Variants in FRY observed in about 807,000 individuals in gnomAD.
FRY encodes the protein FRY microtubule binding protein, also known as protein furry homolog.
In FRY, 128 loss-of-function variants were observed where a neutral mutation model predicts 348.4. That is an observed-to-expected ratio of 0.37 (90% CI 0.32 to 0.43). FRY has a LOEUF of 0.43. Ranked by LOEUF, FRY falls within the 20% of genes least tolerant of loss-of-function variation. FRY has a pLI of 1.00. For synonymous variants in FRY, 1,370 were observed against 1,374.7 expected (o/e 1.00, Z 0.08); for missense variants, 2,736 against 3,695.2 (o/e 0.74, Z 6.73).
chr13:32,053,185 A>G (rs1873436976), intron 1 of FRY, among the ~76,000 whole-genome samples: 2 of 152,200 alleles, frequency 1.3e-5, no homozygotes, highest in Non-Finnish European at 2.9e-5. Flanking sequence ...TGTGGCTAAT[A>G]GCTACTGTAT....
At chr13:32,260,895 C>G (rs1437218094) in intron 51 of FRY, among the ~76,000 whole-genome samples, 1 of 152,186 alleles carries the variant, frequency 6.6e-6, no homozygotes, top group African/African-American at 2.4e-5. Flanking sequence ...CTTTGGGAGG[C>G]CGAGGCAGGT....
intron 1 of FRY, among the ~76,000 whole-genome samples, chr13:32,043,451 A>G (rs1872853456): frequency 6.6e-6 from 1 of 152,226 alleles, no homozygotes; most frequent in Non-Finnish European, 1.5e-5. Context: ...GAAGTGCTGT[A>G]TATGTATCAT....
chr13:32,130,054 C>CT (rs746424659), intron 7 of FRY, among the ~76,000 whole-genome samples: 8,351 of 127,990 alleles, frequency 0.065, 491 homozygotes, highest in East Asian at 0.16. Context: ...CTCCCCCAGC[C>CT]TTTTTTTTTT....
intron 25 of FRY, 93 bp from the exon 26 acceptor site, chr13:32,184,883 T>C: frequency 8.7e-7 from 1 of 1,152,552 alleles, no homozygotes; most frequent in Non-Finnish European, 1.3e-6. Context: ...CTTTAGTGTG[T>C]GAGTTGTGAC....
At chr13:32,085,975 C>G (rs771059661) in intron 2 of FRY, 1 of 519,000 alleles carries the variant, frequency 1.9e-6, no homozygotes, top group East Asian at 5.4e-5. Flanking sequence ...AACGATCTCA[C>G]TGTATTTCCA....
intron 54 of FRY, among the ~76,000 whole-genome samples, chr13:32,266,675 C>T (rs188882278): frequency 3.4e-4 from 51 of 152,198 alleles, no homozygotes; most frequent in Admixed American, 1.0e-3. Flanking sequence ...TCTCTTTCCT[C>T]GAATCGTGAA....
intron 17 of FRY, among the ~76,000 whole-genome samples, chr13:32,167,393 C>T (rs1477331027): frequency 6.6e-6 from 1 of 152,218 alleles, no homozygotes; most frequent in Admixed American, 6.5e-5. Context: ...TTTGCTGGCA[C>T]TCTGGCATCC....
chr13:32,091,675 C>T (rs1463790652), intron 2 of FRY, among the ~76,000 whole-genome samples: 3 of 152,194 alleles, frequency 2.0e-5, no homozygotes, highest in African/African-American at 4.8e-5. Flanking sequence ...GGCATCTTCC[C>T]GTGTTCTGGT....
intron 2 of FRY, among the ~76,000 whole-genome samples, chr13:32,100,662 A>AATG (rs1356542598): frequency 6.6e-6 from 1 of 152,208 alleles, no homozygotes; most frequent in Non-Finnish European, 1.5e-5. Flanking sequence ...TCAAGTATAC[A>AATG]ATGTATCTTA....
chr13:32,145,525 TG>T (rs1880352409), intron 11 of FRY, among the ~76,000 whole-genome samples: 2 of 122,988 alleles, frequency 1.6e-5, no homozygotes, highest in Non-Finnish European at 3.5e-5. Context: ...CTGACTGATT[TG>T]TTTTTTTTTT....
At chr13:32,257,163 A>G (rs957540048) in intron 51 of FRY, among the ~76,000 whole-genome samples, 1 of 152,196 alleles carries the variant, frequency 6.6e-6, no homozygotes, top group East Asian at 1.9e-4. Context: ...ATTTTGAATA[A>G]GGCATACTCA....
At chr13:32,199,534 T>C (rs1883881638) in intron 29 of FRY, among the ~76,000 whole-genome samples, 1 of 152,124 alleles carries the variant, frequency 6.6e-6, no homozygotes, top group South Asian at 2.1e-4. Context: ...AATATCAAAA[T>C]GTTGACAGTA....
At chr13:32,241,518 T>C (rs1468551903) in intron 46 of FRY, among the ~76,000 whole-genome samples, 1 of 152,208 alleles carries the variant, frequency 6.6e-6, no homozygotes, top group Non-Finnish European at 1.5e-5. Context: ...TGGAGAATTA[T>C]TATTTTGTGG....
intron 58 of FRY, among the ~76,000 whole-genome samples, chr13:32,289,069 T>A (rs954748330): frequency 3.3e-5 from 5 of 152,342 alleles, no homozygotes; most frequent in African/African-American, 9.6e-5. Flanking sequence ...AATTTTCAAA[T>A]GTGTTAATAA....
intron 36 of FRY, among the ~76,000 whole-genome samples, chr13:32,222,334 G>A (rs1228989857): frequency 6.6e-6 from 1 of 152,290 alleles, no homozygotes; most frequent in East Asian, 1.9e-4. Context: ...GGCCTTAAAG[G>A]CCACGGGTGT....
At chr13:32,274,769 C>T in intron 55 of FRY, 73 bp from the exon 56 acceptor site, 4 of 1,072,600 alleles carry the variant, frequency 3.7e-6, no homozygotes, top group Non-Finnish European at 5.7e-6. Context: ...GAAGCTACCC[C>T]TCCCCCAAAA....
chr13:32,076,245 AC>A (rs1379276321), intron 1 of FRY, among the ~76,000 whole-genome samples: 1 of 152,216 alleles, frequency 6.6e-6, no homozygotes, highest in African/African-American at 2.4e-5. Flanking sequence ...TATTATATCA[AC>A]CCAATTATTG....
At chr13:32,131,635 C>G (rs1328618738) in intron 7 of FRY, 37 bp from the exon 8 acceptor site, 1 of 1,533,944 alleles carries the variant, frequency 6.5e-7, no homozygotes, top group Non-Finnish European at 9.0e-7. Context: ...GACTTTCCTA[C>G]CCAATATTTG....
At chr13:32,204,564 G>A (rs1884241690) in intron 31 of FRY, among the ~76,000 whole-genome samples, 1 of 152,152 alleles carries the variant, frequency 6.6e-6, no homozygotes, top group Admixed American at 6.5e-5. Context: ...AGGTCCTCTT[G>A]TAAATCTTTG....
Sources: gnomAD v4.1 joint callset for allele counts (sites outside exome capture counted in the v4.1 genomes callset) on GRCh38, gnomAD v4.1.1 for gene constraint, MANE v1.5 for transcripts, NCBI Gene and HGNC (gene_info 2026-07-23, HGNC 2026-07-21) for gene names.